MAPRE1: variants seen among roughly 807,000 people sequenced by gnomAD.
The protein encoded by MAPRE1 is microtubule-associated protein RP/EB family member 1.
A neutral mutation model predicts 32.1 loss-of-function variants in MAPRE1; 5 were observed. The ratio of observed to expected loss-of-function variants is 0.16; its 90% CI spans 0.08 to 0.33. The LOEUF is 0.33. MAPRE1 is among the 10% of genes least tolerant of loss of function. MAPRE1 has a pLI of 1.00. For missense variants in MAPRE1, 209 were observed against 327.2 expected, an observed-to-expected ratio of 0.64 and a Z score of 2.79; for synonymous variants, 122 against 118.9, an observed-to-expected ratio of 1.03 and a Z score of -0.17.
rs535874168 is a variant in MAPRE1 at position 32,820,219 on chromosome 20, C to G, written c.-4+191C>G. Among the ~76,000 whole-genome samples, 20 of 135,964 alleles carry G rather than the reference C, an allele frequency of 1.5e-4. No individual in the cohort carries two copies. The South Asian group carries it at 4.0e-3, about 27-fold the overall frequency. The allele number at this position is 135,964 out of a possible 152,430, so 89.2% of individuals were successfully genotyped here. On this transcript the variant is annotated intron_variant, in intron 1 of 6. Coordinates refer to ENST00000375571, the MANE Select transcript of MAPRE1 (RefSeq NM_012325.3). ...GCTGGGCCTGGGGGCGCGCGCTGCGCTCTGCTCAGGGGGCGGGGTCTCGGG... is the reference window on the plus strand; with the variant it reads ...GCTGGGCCTGGGGGCGCGCGCTGCGGTCTGCTCAGGGGGCGGGGTCTCGGG...
chr20:32,819,986 C>G lies in MAPRE1; in HGVS notation c.-46C>G, dbSNP rs1380178167. 3 of 151,916 alleles carry G rather than the reference C, an allele frequency of 2.0e-5. No individual in the cohort carries two copies. The highest frequency in any genetic ancestry group is 4.4e-5 in the Non-Finnish European group (3 of 67,982). The allele number at this position is 151,916 out of a possible 1,614,324, so 9.4% of individuals were successfully genotyped here. A position where few individuals can be genotyped will look rare whatever the true frequency, so the allele number is the denominator to read the frequency against. Reference sequence around the variant, plus strand: ...GGTTTGAACGAGACGAAGACGGAACCGGAGCCGGTTGCGGGCAGTGGACGC... The same window carrying G: ...GGTTTGAACGAGACGAAGACGGAACGGGAGCCGGTTGCGGGCAGTGGACGC... On this transcript the variant is annotated 5_prime_UTR_variant, in exon 1 of 7. Coordinates refer to ENST00000375571, the MANE Select transcript of MAPRE1 (RefSeq NM_012325.3).
intron 3 of MAPRE1, among the ~76,000 whole-genome samples, chr20:32,835,338 T>C (rs1983158259): frequency 6.6e-6 from 1 of 151,708 alleles, no homozygotes. Flanking sequence ...ATATTTGTTA[T>C]TTTTTGTGTG....
chr20:32,831,991 G>C (rs1464420480), intron 2 of MAPRE1, among the ~76,000 whole-genome samples: 1 of 148,202 alleles, frequency 6.7e-6, no homozygotes, highest in Non-Finnish European at 1.5e-5. Flanking sequence ...GTGTACTTTT[G>C]TTGGATGAGT....
chr20:32,831,563 C>G (rs1983027155), intron 2 of MAPRE1, among the ~76,000 whole-genome samples: 1 of 149,474 alleles, frequency 6.7e-6, no homozygotes, highest in South Asian at 2.1e-4. Flanking sequence ...GAGTCTTGCT[C>G]TGTCTCCCAG....
intron 6 of MAPRE1, among the ~76,000 whole-genome samples, chr20:32,848,287 C>T (rs1568884819): frequency 1.3e-5 from 2 of 151,976 alleles, no homozygotes; most frequent in African/African-American, 4.8e-5. Flanking sequence ...CAAGCCTTGG[C>T]CTTCCAAAGT....
rs780218241 is a variant in MAPRE1, at chr20:32,833,802, C to T, written c.207C>T (p.His69=). Residue 69 remains histidine (H), a synonymous_variant, in exon 3 of 7, where the codon CAC becomes CAT. Transcript: ENST00000375571. ...KKVKFQAKLE[H]EYIQNFKILQ... is the part of the protein sequence containing the mutation. ...TGAAATTCCAAGCTAAGCTAGAACA[C>T]GAGTACATCCAGAACTTCAAAATAC... The T allele has an allele frequency of 1.9e-5, 30 of 1,613,856 alleles. No individual in the cohort carries two copies. Among genetic ancestry groups the T allele is most frequent in the Admixed American group, 5.0e-5 (3 of 59,994 alleles).
chr20:32,839,687 T>C (rs1456385568), intron 4 of MAPRE1, 48 bp from the exon 5 acceptor site: 3 of 1,581,872 alleles, frequency 1.9e-6, no homozygotes, highest in Non-Finnish European at 8.6e-7. Flanking sequence ...TTTTTGTTTG[T>C]TTGGGCTGGA....
intron 3 of MAPRE1, among the ~76,000 whole-genome samples, chr20:32,835,238 AAAGTT>A (rs1983155020): frequency 6.6e-6 from 1 of 152,316 alleles, no homozygotes; most frequent in South Asian, 2.1e-4. Context: ...AAAAGATTAA[AAAGTT>A]AAGTTGTGGC....
chr20:32,831,689 C>T (rs371900674), intron 2 of MAPRE1, among the ~76,000 whole-genome samples: 16 of 151,880 alleles, frequency 1.1e-4, no homozygotes, highest in East Asian at 5.8e-4. Context: ...TACGCCACCA[C>T]GCCTGGCCAA....
rs1983610740 is a variant in MAPRE1 at position 32,850,341 on chromosome 20, C to G, written c.*1613C>G. 6.6e-6 allele frequency: 1 copy of G among 152,542 alleles called. No homozygotes were observed. The highest frequency in any genetic ancestry group is 2.1e-4 in the South Asian group (1 of 4,816). 9.4% of individuals were successfully genotyped at this position (152,542 alleles called of 1,614,324 possible). A position where few individuals can be genotyped will look rare whatever the true frequency, so the allele number is the denominator to read the frequency against. On this transcript the variant is annotated 3_prime_UTR_variant, in exon 7 of 7. Transcript: ENST00000375571. ...ATTGGGAACCCATTTTCCACCTGGT[C>G]TTTCTTGACAGGGTTTTTTTCTACT...
chr20:32,842,002 G>T (rs1203322746), intron 5 of MAPRE1, among the ~76,000 whole-genome samples: 4 of 145,030 alleles, frequency 2.8e-5, no homozygotes, highest in Non-Finnish European at 4.6e-5. Flanking sequence ...ACAGGAACCA[G>T]TTTTTTTTTT....
At chr20:32,836,604 T>C (rs769582976) in intron 3 of MAPRE1, 30 bp from the exon 4 acceptor site, 44 of 1,375,772 alleles carry the variant, frequency 3.2e-5, no homozygotes, top group Non-Finnish European at 4.3e-5. Flanking sequence ...AGCCTCTTTT[T>C]TGGGGCTAAA....
chr20:32,847,260 CTA>C (rs1391820503), intron 6 of MAPRE1, among the ~76,000 whole-genome samples: 19 of 152,186 alleles, frequency 1.2e-4, no homozygotes, highest in Non-Finnish European at 2.6e-4. Context: ...TCAAAGTACT[CTA>C]TGATCAAGTT....
intron 1 of MAPRE1, among the ~76,000 whole-genome samples, chr20:32,820,495 G>A (rs1982665332): frequency 6.6e-6 from 1 of 152,078 alleles, no homozygotes; most frequent in South Asian, 2.1e-4. Context: ...TGCTTTAACC[G>A]CTGTGGATCT....
intron 3 of MAPRE1, 53 bp from the exon 4 acceptor site, chr20:32,836,581 G>C: frequency 2.8e-6 from 3 of 1,057,380 alleles, no homozygotes; most frequent in Non-Finnish European, 2.9e-6. Flanking sequence ...GGACTAGTTT[G>C]ATGCTTGCCA....
At chr20:32,830,550 A>C (rs1395140246) in intron 2 of MAPRE1, among the ~76,000 whole-genome samples, 1 of 152,070 alleles carries the variant, frequency 6.6e-6, no homozygotes, top group Non-Finnish European at 1.5e-5. Context: ...TGTCTTCTGA[A>C]AGAGCTTCTA....
At chr20:32,838,482 AT>A (rs1330081159) in intron 4 of MAPRE1, among the ~76,000 whole-genome samples, 1 of 152,080 alleles carries the variant, frequency 6.6e-6, no homozygotes, top group Non-Finnish European at 1.5e-5. Context: ...ACAAGTTTTG[AT>A]TTCTCTCAGT....
chr20:32,843,817 G>A (rs1278332726), intron 5 of MAPRE1, among the ~76,000 whole-genome samples: 2 of 151,286 alleles, frequency 1.3e-5, no homozygotes, highest in African/African-American at 2.4e-5. Context: ...TCAAGATAAG[G>A]TTCTAAGAGT....
In MAPRE1 at chr20:32,848,812, A is replaced by T; in HGVS notation, c.*84A>T. The T allele has an allele frequency of 1.6e-6, 2 of 1,221,862 alleles. No homozygotes were observed. Among genetic ancestry groups the T allele is most frequent in the Non-Finnish European group, 2.3e-6 (2 of 868,428 alleles). The allele number at this position is 1,221,862 out of a possible 1,614,324, so 75.7% of individuals were successfully genotyped here. On this transcript the variant is annotated 3_prime_UTR_variant, in exon 7 of 7. Coordinates refer to ENST00000375571, the MANE Select transcript of MAPRE1 (RefSeq NM_012325.3). ...TAAAATACTCCCTTTTGTTATCCTT[A>T]GAGGACTCACTGGTTTCTTTTCATA...
Sources: gnomAD v4.1 joint callset for allele counts (sites outside exome capture counted in the v4.1 genomes callset) on GRCh38, gnomAD v4.1.1 for gene constraint, MANE v1.5 for transcripts, NCBI Gene and HGNC (gene_info 2026-07-23, HGNC 2026-07-21) for gene names.